The following BRWD1 variants were observed in gnomAD, a reference collection of about 807,000 sequenced individuals.
The protein encoded by BRWD1 is bromodomain and WD repeat-containing protein 1.
A neutral mutation model predicts 251.2 loss-of-function variants in BRWD1; 82 were observed. The observed-to-expected ratio is 0.33, with a 90% CI of 0.27 to 0.39. The LOEUF is 0.39. BRWD1 is among the 10% of genes least tolerant of loss of function. BRWD1 has a pLI of 1.00. For missense variants in BRWD1, 2,233 were observed against 2,711.6 expected (o/e 0.82, Z 3.92); for synonymous variants, 918 against 902.8 (o/e 1.02, Z -0.30).
chr21:39,228,805 T>G (rs907459240), intron 26 of BRWD1, among the ~76,000 whole-genome samples: 1 of 152,200 alleles, frequency 6.6e-6, no homozygotes, highest in Admixed American at 6.5e-5. Flanking sequence ...GACATATTTT[T>G]TCTTCATAAC....
At chr21:39,315,380 T>A (rs992480851), upstream of BRWD1, among the ~76,000 whole-genome samples, 1 of 151,656 alleles carries the variant, frequency 6.6e-6, no homozygotes. Flanking sequence ...ACGCCTGTAG[T>A]CCCAAGCACT....
In BRWD1 at chr21:39,275,170, G is replaced by T. The variant is rs74486144; in HGVS notation, c.1146-698C>A. 3.9e-3 allele frequency among the ~76,000 whole-genome samples: 588 copies of T among 152,228 alleles called. 7 individuals are homozygous for T. Among genetic ancestry groups the T allele is most frequent in the African/African-American group, 0.014 (575 of 41,554 alleles). On this transcript the variant is annotated intron_variant, in intron 12 of 40. Coordinates refer to ENST00000342449, the MANE Select transcript of BRWD1 (RefSeq NM_033656.4). ...TACTTGTTAATTCAAATTAATTCAT[G>T]TTGGACACTGTGTAAAAATAAATCA... is the stretch of plus-strand genomic sequence containing the variant.
Position 39,192,390 on chromosome 21 carries a change from A to G in BRWD1, c.*3869T>C, listed in dbSNP as rs1196128705. The G allele has an allele frequency of 3.1e-6, 3 of 983,506 alleles. No individual in the cohort carries two copies. The highest frequency in any genetic ancestry group is 3.6e-6 in the Non-Finnish European group (3 of 828,380). The allele number at this position is 983,506 out of a possible 1,614,324, so 60.9% of individuals were successfully genotyped here. On this transcript the variant is annotated 3_prime_UTR_variant, in exon 41 of 41. Transcript: ENST00000342449. ...ACAAATTTATTCCTTCTCTTCCCAA[A>G]TACTAGGATAAGAGACAGTCTCAAA...
At chr21:39,236,552 G>T in intron 23 of BRWD1, 43 bp downstream of exon 23, 1 of 1,432,274 alleles carries the variant, frequency 7.0e-7, no homozygotes, top group South Asian at 1.3e-5. Context: ...GTAAAGCTGG[G>T]GTATCATGAT....
intron 15 of BRWD1, 73 bp downstream of exon 15, chr21:39,269,826 G>A: frequency 7.8e-7 from 1 of 1,274,536 alleles, no homozygotes; most frequent in Non-Finnish European, 1.0e-6. Context: ...ATCAATTTCT[G>A]GCTAAGCCGC....
chr21:39,278,749 T>C lies in BRWD1; in HGVS notation c.997A>G (p.Ser333Gly). The part of the protein sequence containing the change: ...PGVQMLCSSF[S>G]VGGMFLATGS... ...AATGTGAAGAAGTTCTTACCAACAC[T>C]AAAAGAAGAACAAAGCATTTGAACG... The change falls in exon 10 of 41, where the codon AGT becomes GGT. Residue 333 changes from serine (S) to glycine (G), a missense_variant. By Grantham distance (56) the Ser-to-Gly change is moderately conservative. Transcript: ENST00000342449. 6.3e-7 allele frequency: 1 copy of C among 1,583,344 alleles called. No homozygotes were observed.
At chr21:39,236,819 C>G in intron 22 of BRWD1, 35 bp from the exon 23 acceptor site, 3 of 1,569,342 alleles carry the variant, frequency 1.9e-6, no homozygotes, top group Non-Finnish European at 2.6e-6. Context: ...TGAATGGAGC[C>G]AGAATATAAG....
At chr21:39,265,175 G>A (rs1039817152) in intron 15 of BRWD1, among the ~76,000 whole-genome samples, 156 bp from the exon 16 acceptor site, 1 of 150,672 alleles carries the variant, frequency 6.6e-6, no homozygotes, top group African/African-American at 2.4e-5. Flanking sequence ...TGTAATCCTA[G>A]CACTTTATGA....
intron 17 of BRWD1, among the ~76,000 whole-genome samples, chr21:39,261,036 C>T (rs371620479): frequency 1.3e-5 from 2 of 152,074 alleles, no homozygotes; most frequent in Non-Finnish European, 2.9e-5. Flanking sequence ...ACCAGACTGG[C>T]CAGCATGGTG....
At chr21:39,275,312 T>C (rs1296924458) in intron 12 of BRWD1, among the ~76,000 whole-genome samples, 7 of 152,178 alleles carry the variant, frequency 4.6e-5, no homozygotes, top group Admixed American at 2.6e-4. Flanking sequence ...TATATCACGG[T>C]GGTTTCTTAG....
intron 31 of BRWD1, chr21:39,217,034 T>TAA (rs202098838): frequency 1.0e-4 from 2 of 19,582 alleles, no homozygotes; most frequent in East Asian, 1.6e-3. Context: ...TATATATATA[T>TAA]AAATATATAT....
At chr21:39,292,750 A>T (rs956115448) in intron 8 of BRWD1, among the ~76,000 whole-genome samples, 3 of 152,116 alleles carry the variant, frequency 2.0e-5, no homozygotes, top group African/African-American at 7.2e-5. Flanking sequence ...CTGCAAGCGA[A>T]TTTTTTTTAA....
intron 21 of BRWD1, among the ~76,000 whole-genome samples, chr21:39,246,893 C>T (rs1469129481): frequency 6.6e-6 from 1 of 152,158 alleles, no homozygotes; most frequent in Non-Finnish European, 1.5e-5. Context: ...CCATCCTAGC[C>T]AACATGGTGA....
In BRWD1 at chr21:39,191,391, G is replaced by T. The variant is rs149339684; in HGVS notation, c.*4868C>A. The T allele has an allele frequency of 1.6e-5, 16 of 985,330 alleles. 1 individual carries two copies. The highest frequency in any genetic ancestry group is 5.2e-4 in the Middle Eastern group (1 of 1,914). 61.0% of individuals were successfully genotyped at this position (985,330 alleles called of 1,614,324 possible). A position where few individuals can be genotyped will look rare whatever the true frequency, so the allele number is the denominator to read the frequency against. On this transcript the variant is annotated 3_prime_UTR_variant, in exon 41 of 41. Transcript: ENST00000342449. Reference sequence around the variant, plus strand: ...AACCAGCTAGAATGTATTTGGCTTGGAGTAGTGTTTTGTTTTGTTTTTTAA... The same window carrying T: ...AACCAGCTAGAATGTATTTGGCTTGTAGTAGTGTTTTGTTTTGTTTTTTAA...
At position 39,199,312 on chromosome 21, in the gene BRWD1, C is replaced by T. The variant is rs980590601; in HGVS notation, c.5104G>A (p.Val1702Met). The change falls in exon 40 of 41, where the codon GTG becomes ATG. Residue 1702 changes from valine to methionine, a missense_variant. Val to Met is a conservative substitution (Grantham distance 21). Transcript: ENST00000342449. ...ELKDENQLLP[V>M]SSSHTAQSNV... The stretch of plus-strand genomic sequence containing the variant: ...CTCTGGGCAGTGTGAGAACTGGACA[C>T]TGGTAATAGTTGATTTTCATCTTTT... 2 of 1,614,182 alleles carry T rather than the reference C, an allele frequency of 1.2e-6. No individual in the cohort carries two copies. The highest frequency in any genetic ancestry group is 1.3e-5 in the African/African-American group (1 of 75,056).
In BRWD1 at chr21:39,313,584, G is replaced by GAC; in HGVS notation, c.-94_-93insGT. 9.5e-7 allele frequency: 1 copy of GAC among 1,054,966 alleles called. No individual in the cohort carries two copies. The highest frequency in any genetic ancestry group is 3.3e-5 in the South Asian group (1 of 30,228). 65.4% of individuals were successfully genotyped at this position (1,054,966 alleles called of 1,614,324 possible). Reference sequence around the variant, plus strand: ...ACCGGGCTGGCGTCCCCTCTTCTCAGGCGCGCGCCGCCGCCGCCGCCGCCG... The same window carrying GAC: ...ACCGGGCTGGCGTCCCCTCTTCTCAGACGCGCGCGCCGCCGCCGCCGCCGCCG... On this transcript the variant is annotated 5_prime_UTR_variant, in exon 1 of 41. It removes the in-frame stop codon of an upstream open reading frame in the 5' UTR. Transcript: ENST00000342449.
In BRWD1 at chr21:39,296,913, T is replaced by C. The variant is rs192641648; in HGVS notation, c.350-550A>G. ...AAAAGTTCTTTGATTTATATGAAAA[T>C]TCATGACTTGTTCAGTTTTAAAATT... On this transcript the variant is annotated intron_variant, in intron 5 of 40. Coordinates refer to ENST00000342449, the MANE Select transcript of BRWD1 (RefSeq NM_033656.4). The C allele has an allele frequency of 1.6e-5, 16 of 984,724 alleles. No homozygotes were observed. In the East Asian group the frequency reaches 1.0e-3, roughly 63 times the overall value. 61.0% of individuals were successfully genotyped at this position (984,724 alleles called of 1,614,324 possible). A position where few individuals can be genotyped will look rare whatever the true frequency, so the allele number is the denominator to read the frequency against.
rs745426587 is a variant in BRWD1 at position 39,199,326 on chromosome 21, T to C, written c.5090A>G (p.Asn1697Ser). The C allele has an allele frequency of 3.7e-6, 6 of 1,614,194 alleles. No individual in the cohort carries two copies. Among genetic ancestry groups the C allele is most frequent in the Non-Finnish European group, 4.2e-6 (5 of 1,180,026 alleles). Residue 1697 changes from asparagine (N) to serine (S), a missense_variant, in exon 40 of 41, where the codon AAT (asparagine) becomes AGT (serine). Physicochemically the swap from Asn to Ser is conservative, Grantham distance 46. Coordinates refer to ENST00000342449, the MANE Select transcript of BRWD1 (RefSeq NM_033656.4). The part of the protein sequence containing the change: ...EIEEEELKDE[N>S]QLLPVSSSHT... ...AGAACTGGACACTGGTAATAGTTGA[T>C]TTTCATCTTTTAGCTCCTCTTCTTC...
In BRWD1 at chr21:39,193,682, T is replaced by G; in HGVS notation, c.*2577A>C. On this transcript the variant is annotated 3_prime_UTR_variant, in exon 41 of 41. Coordinates refer to ENST00000342449, the MANE Select transcript of BRWD1 (RefSeq NM_033656.4). ...GTACAGCACTTATTTCTGGATCAGT[T>G]CACATTCAAATTATAACCCTTTATC... The G allele has an allele frequency of 1.0e-6, 1 of 985,542 alleles. No homozygotes were observed. The highest frequency in any genetic ancestry group is 4.7e-5 in the South Asian group (1 of 21,290). The allele number at this position is 985,542 out of a possible 1,614,324, so 61.0% of individuals were successfully genotyped here.
Sources: gnomAD v4.1 joint callset for allele counts (sites outside exome capture counted in the v4.1 genomes callset) on GRCh38, gnomAD v4.1.1 for gene constraint, MANE v1.5 for transcripts, NCBI Gene and HGNC (gene_info 2026-07-23, HGNC 2026-07-21) for gene names.